ZSCAN5A: variants seen among roughly 807,000 people sequenced by gnomAD.
ZSCAN5A encodes zinc finger and SCAN domain-containing protein 5A.
In ZSCAN5A, 12 loss-of-function variants were observed where a neutral mutation model predicts 23.7. The observed-to-expected ratio is 0.51, with a 90% CI of 0.32 to 0.82. The LOEUF (loss-of-function observed/expected upper bound fraction) is 0.82, where lower values mean the gene tolerates loss of function less well. ZSCAN5A is among the 40% of genes least tolerant of loss of function. The pLI, the probability that ZSCAN5A is intolerant of heterozygous loss-of-function variation, is 0.03. For missense variants in ZSCAN5A, 597 were observed against 617.9 expected, an observed-to-expected ratio of 0.97 and a Z score of 0.36; for synonymous variants, 257 against 239.9, an observed-to-expected ratio of 1.07 and a Z score of -0.66.
intron 2 of ZSCAN5A, among the ~76,000 whole-genome samples, chr19:56,312,875 T>C (rs774413387): frequency 2.0e-5 from 3 of 152,258 alleles, no homozygotes; most frequent in Non-Finnish European, 4.4e-5. Context: ...CATACAGTCA[T>C]CGTGGGAATT....
At position 56,222,721 on chromosome 19, in the gene ZSCAN5A, G is replaced by A; in HGVS notation, c.609C>T (p.His203=). 1 of 1,614,146 alleles carries A rather than the reference G, an allele frequency of 6.2e-7. No individual in the cohort carries two copies. Among genetic ancestry groups the A allele is most frequent in the Non-Finnish European group, 8.5e-7 (1 of 1,180,028 alleles). The part of the protein sequence containing the change: ...SRRQGEDFLL[H]KSIDVTGDPK... ...GGTCACCTGTTACGTCAATACTCTT[G>A]TGTAGCAGAAAGTCCTCTCCCTGAA... The change falls in exon 5 of 6, where the codon CAC becomes CAT. Residue 203 remains histidine, a synonymous_variant. Coordinates refer to ENST00000683990, the MANE Select transcript of ZSCAN5A (RefSeq NM_001322064.3).
chr19:56,320,341 A>G (rs2041361808), intron 2 of ZSCAN5A: 1 of 366,356 alleles, frequency 2.7e-6, no homozygotes, highest in African/African-American at 2.1e-5. Context: ...AGCCTGACCA[A>G]CATGGAGAAA....
intron 2 of ZSCAN5A, among the ~76,000 whole-genome samples, chr19:56,233,705 A>C (rs1600029462): frequency 6.8e-6 from 1 of 148,144 alleles, no homozygotes; most frequent in African/African-American, 2.5e-5. Flanking sequence ...TGATACACTA[A>C]GTAAACAAAA....
At position 56,284,513 on chromosome 19, in the gene ZSCAN5A, ATTTTTTTTTTTT is replaced by A. The variant is rs11374260; in HGVS notation, c.-128+28758_-128+28769del. ...TTAGAGACAAGTGATGCTTGCTGTA[ATTTTTTTTTTTT>A]TTTTTTTTTGAGACAGTCTTGCTCT... On this transcript the variant is annotated intron_variant, in intron 2 of 5. Transcript: ENST00000683990. 7.8e-3 allele frequency among the ~76,000 whole-genome samples: 918 copies of A among 118,334 alleles called. 14 individuals carry two copies. The highest frequency in any genetic ancestry group is 0.027 in the African/African-American group (877 of 32,538). 77.6% of individuals were successfully genotyped at this position (118,334 alleles called of 152,430 possible). A position where few individuals can be genotyped will look rare whatever the true frequency, so the allele number is the denominator to read the frequency against.
intron 2 of ZSCAN5A, chr19:56,282,518 C>T: frequency 1.0e-6 from 1 of 985,320 alleles, no homozygotes; most frequent in Non-Finnish European, 1.2e-6. Context: ...CTCATTCCAT[C>T]TCTTTCCCTT....
intron 2 of ZSCAN5A, among the ~76,000 whole-genome samples, chr19:56,276,186 C>T (rs932541412): frequency 2.0e-5 from 3 of 152,206 alleles, no homozygotes; most frequent in African/African-American, 7.2e-5. Context: ...TGCAACCTCT[C>T]TGGCAATTCT....
intron 2 of ZSCAN5A, among the ~76,000 whole-genome samples, chr19:56,294,873 G>A (rs1568712448): frequency 6.6e-6 from 1 of 152,208 alleles, no homozygotes; most frequent in Non-Finnish European, 1.5e-5. Flanking sequence ...AAAGAAGCCA[G>A]ACACAAAAGC....
At chr19:56,330,588 T>A (rs1409193315) in intron 2 of ZSCAN5A, among the ~76,000 whole-genome samples, 2 of 152,232 alleles carry the variant, frequency 1.3e-5, no homozygotes, top group Admixed American at 6.5e-5. Flanking sequence ...TGACGACTAG[T>A]AAAGTTAAGC....
chr19:56,272,294 A>G (rs562544840), intron 2 of ZSCAN5A, among the ~76,000 whole-genome samples: 6 of 152,320 alleles, frequency 3.9e-5, no homozygotes, highest in African/African-American at 1.4e-4. Flanking sequence ...TTTTCTATAA[A>G]GGGCCGGACA....
At chr19:56,282,515 C>T (rs1410066637) in intron 2 of ZSCAN5A, 2 of 985,134 alleles carry the variant, frequency 2.0e-6, no homozygotes, top group Non-Finnish European at 2.4e-6. Context: ...CTTCTCATTC[C>T]ATCTCTTTCC....
chr19:56,304,009 A>G (rs2040516733), intron 2 of ZSCAN5A, among the ~76,000 whole-genome samples: 1 of 152,170 alleles, frequency 6.6e-6, no homozygotes. Context: ...AGGTTCTCAT[A>G]GACCACGAGA....
At chr19:56,355,459 T>C (rs2041695459) in intron 2 of ZSCAN5A, among the ~76,000 whole-genome samples, 1 of 148,738 alleles carries the variant, frequency 6.7e-6, no homozygotes. Context: ...ATCATGTCAA[T>C]TTTTTTCCCA....
At chr19:56,223,466 C>T (rs1401308493) in intron 4 of ZSCAN5A, among the ~76,000 whole-genome samples, 165 bp downstream of exon 4, 2 of 152,190 alleles carry the variant, frequency 1.3e-5, no homozygotes, top group Non-Finnish European at 2.9e-5. Context: ...TGAGGCTTCC[C>T]TCTCTGTGAT....
chr19:56,361,947 G>A (rs1232776746), intron 2 of ZSCAN5A, among the ~76,000 whole-genome samples: 2 of 151,850 alleles, frequency 1.3e-5, no homozygotes, highest in African/African-American at 4.8e-5. Flanking sequence ...CATGAGGTCA[G>A]GAGATCGAGA....
chr19:56,313,248 G>A, intron 2 of ZSCAN5A, 35 bp downstream of exon 2: 1 of 349,540 alleles, frequency 2.9e-6, no homozygotes, highest in Non-Finnish European at 5.6e-6. Context: ...ATCCAAGACT[G>A]GGCAATTTAC....
At chr19:56,258,313 T>G (rs369047522) in intron 2 of ZSCAN5A, among the ~76,000 whole-genome samples, 1 of 152,144 alleles carries the variant, frequency 6.6e-6, no homozygotes, top group Non-Finnish European at 1.5e-5. Context: ...ACGTATCAGG[T>G]CTCGTGTGGG....
chr19:56,246,958 G>A (rs748713168), intron 2 of ZSCAN5A: 50 of 1,492,774 alleles, frequency 3.3e-5, no homozygotes, highest in Non-Finnish European at 3.9e-5. Flanking sequence ...GGGCAACAGC[G>A]AATCCCCAGG....
At chr19:56,354,550 C>T (rs2041689874) in intron 2 of ZSCAN5A, 1 of 152,184 alleles carries the variant, frequency 6.6e-6, no homozygotes, top group African/African-American at 2.4e-5. Context: ...GTGACACCTT[C>T]TTCTTTTTTA....
intron 2 of ZSCAN5A, among the ~76,000 whole-genome samples, chr19:56,360,378 G>A (rs1270696567): frequency 1.3e-5 from 2 of 151,878 alleles, no homozygotes; most frequent in South Asian, 2.1e-4. Context: ...GGGAAGTGAA[G>A]GACCTCTTCA....
Sources: gnomAD v4.1 joint callset for allele counts (sites outside exome capture counted in the v4.1 genomes callset) on GRCh38, gnomAD v4.1.1 for gene constraint, MANE v1.5 for transcripts, NCBI Gene and HGNC (gene_info 2026-07-23, HGNC 2026-07-21) for gene names.